TSPEAR: variants seen among roughly 807,000 people sequenced by gnomAD.
TSPEAR encodes thrombospondin type laminin G domain and EAR repeats.
TSPEAR carries 69 observed loss-of-function variants against 71.6 expected under a neutral mutation model. The ratio of observed to expected loss-of-function variants is 0.96; its 90% CI spans 0.79 to 1.18. TSPEAR has a LOEUF of 1.18. TSPEAR is among the 50% of genes most tolerant of loss of function. TSPEAR has a pLI of 0.00. For synonymous variants in TSPEAR, 402 were observed against 387.2 expected (o/e 1.04, Z -0.45); for missense variants, 971 against 894.9 (o/e 1.09, Z -1.09).
chr21:44,522,876 GC>G (rs1326049671), intron 8 of TSPEAR, among the ~76,000 whole-genome samples: 1 of 152,256 alleles, frequency 6.6e-6, no homozygotes, highest in East Asian at 1.9e-4. Flanking sequence ...ATGGGCCTGG[GC>G]CCACCACCCA....
At chr21:44,676,352 C>T in intron 1 of TSPEAR, 1 of 1,140,400 alleles carries the variant, frequency 8.8e-7, no homozygotes, top group Non-Finnish European at 1.3e-6. Context: ...TTGATGGCCT[C>T]AACTGCACTA....
chr21:44,668,358 G>A (rs1269990707), intron 1 of TSPEAR, among the ~76,000 whole-genome samples: 4 of 152,090 alleles, frequency 2.6e-5, no homozygotes, highest in Non-Finnish European at 5.9e-5. Flanking sequence ...AAATAATTGT[G>A]TAACAAAAAC....
chr21:44,634,701 G>A (rs1983443010), intron 1 of TSPEAR, among the ~76,000 whole-genome samples: 1 of 152,170 alleles, frequency 6.6e-6, no homozygotes, highest in South Asian at 2.1e-4. Flanking sequence ...AGGAGGATAT[G>A]CAAATGGATG....
Position 44,567,887 on chromosome 21 carries a change from G to A in TSPEAR, c.201C>T (p.Arg67=), listed in dbSNP as rs782732230. 4.4e-6 allele frequency: 7 copies of A among 1,608,836 alleles called. No homozygotes were observed. Among genetic ancestry groups the A allele is most frequent in the Non-Finnish European group, 5.9e-6 (7 of 1,176,672 alleles). The change falls in exon 2 of 12, where the codon CGC becomes CGT. Residue 67 remains arginine, a synonymous_variant. Transcript: ENST00000323084. ...TCCTGGATGCTGGGAAGCTCATGGT[G>A]CGGGGGGCGGCTACTGAGAGCTGGA... ...RGLQLSVAAP[R]TMSFPASRIF...
At chr21:44,617,048 G>C (rs1402310890) in intron 1 of TSPEAR, among the ~76,000 whole-genome samples, 1 of 151,982 alleles carries the variant, frequency 6.6e-6, no homozygotes, top group Non-Finnish European at 1.5e-5. Context: ...AAACCCCAAG[G>C]GCCCCAAGCA....
At chr21:44,545,723 C>T (rs1555917686) in intron 2 of TSPEAR, among the ~76,000 whole-genome samples, 1 of 151,810 alleles carries the variant, frequency 6.6e-6, no homozygotes, top group African/African-American at 2.4e-5. Context: ...AAAAAGAAAA[C>T]ACAGCAAACC....
chr21:44,569,783 GAC>G (rs1174985541), intron 1 of TSPEAR, among the ~76,000 whole-genome samples: 2 of 151,930 alleles, frequency 1.3e-5, no homozygotes, highest in African/African-American at 4.8e-5. Flanking sequence ...TGTGTACAGG[GAC>G]CACCCCCGAT....
intron 1 of TSPEAR, among the ~76,000 whole-genome samples, chr21:44,582,175 G>A (rs587732410): frequency 1.3e-5 from 2 of 152,360 alleles, no homozygotes; most frequent in East Asian, 3.9e-4. Context: ...CATGCACGGC[G>A]CAGGTGCGGT....
chr21:44,539,166 G>A (rs1177140430), intron 2 of TSPEAR: 7 of 1,405,678 alleles, frequency 5.0e-6, no homozygotes, highest in African/African-American at 2.9e-5. Flanking sequence ...CAAGGAGGGG[G>A]GGTCACCTCA....
intron 1 of TSPEAR, chr21:44,628,142 C>G: frequency 6.8e-7 from 1 of 1,477,782 alleles, no homozygotes; most frequent in Non-Finnish European, 9.2e-7. Flanking sequence ...CACAGCTCAA[C>G]ACAGAAGGAG....
At chr21:44,539,051 C>T (rs2145999821) in intron 2 of TSPEAR, 2 of 621,296 alleles carry the variant, frequency 3.2e-6, no homozygotes, top group Non-Finnish European at 5.5e-6. Flanking sequence ...GGCCAAGTGA[C>T]CCAGAGCAGA....
chr21:44,637,984 C>T (rs149080473), intron 1 of TSPEAR: 90 of 1,613,716 alleles, frequency 5.6e-5, no homozygotes, highest in South Asian at 7.7e-5. Flanking sequence ...CCTCCTCCTC[C>T]GTGTCCCTCC....
At chr21:44,551,688 C>A (rs9978494) in intron 2 of TSPEAR, among the ~76,000 whole-genome samples, 1 of 152,176 alleles carries the variant, frequency 6.6e-6, no homozygotes, top group Non-Finnish European at 1.5e-5. Context: ...TGTCCTCACT[C>A]TGCTCCTAAC....
intron 1 of TSPEAR, 44 bp from the exon 2 acceptor site, chr21:44,568,049 A>C (rs1555922009): frequency 2.1e-6 from 3 of 1,443,714 alleles, no homozygotes; most frequent in Non-Finnish European, 2.8e-6. Flanking sequence ...GGACACCCCC[A>C]AAAGTGGATA....
At chr21:44,534,755 C>T (rs868980306) in intron 2 of TSPEAR, among the ~76,000 whole-genome samples, 28 of 152,174 alleles carry the variant, frequency 1.8e-4, no homozygotes, top group African/African-American at 6.0e-4. Flanking sequence ...ATAAACAGAA[C>T]GACCAAATGA....
chr21:44,551,153 G>A lies in TSPEAR; in HGVS notation c.303+16632C>T, dbSNP rs369556022. The stretch of plus-strand genomic sequence containing the variant: ...CACAGCACACAGGCTTGCAGCAGAC[G>A]GGCACGCAGCAGGCCTGCTGGCAGG... On this transcript the variant is annotated intron_variant, in intron 2 of 11. Coordinates refer to ENST00000323084, the MANE Select transcript of TSPEAR (RefSeq NM_144991.3). The A allele has an allele frequency of 3.9e-4, 604 of 1,561,222 alleles. 1 individual carries two copies. The highest frequency in any genetic ancestry group is 4.7e-4 in the Non-Finnish European group (537 of 1,143,018).
At chr21:44,530,344 C>T (rs1555915601) in intron 4 of TSPEAR, among the ~76,000 whole-genome samples, 1 of 152,088 alleles carries the variant, frequency 6.6e-6, no homozygotes, top group Admixed American at 6.5e-5. Flanking sequence ...ATCCATTCAT[C>T]CATGCATTCA....
In TSPEAR at chr21:44,711,402, C is replaced by T. The variant is rs1441561851; in HGVS notation, c.82+31G>A. ...CCCTCCCAGCTCCCCGGCAAGATAC[C>T]CCCGCCCGAGTTCCCATGCCCCTGC... On this transcript the variant is annotated intron_variant, in intron 1 of 11. Coordinates refer to ENST00000323084, the MANE Select transcript of TSPEAR (RefSeq NM_144991.3). The surrounding 1 kb of genome is among the most constrained non-coding windows in gnomAD (Gnocchi z 4.5). The T allele has an allele frequency of 2.6e-6, 4 of 1,560,514 alleles. No homozygotes were observed. The highest frequency in any genetic ancestry group is 3.5e-6 in the Non-Finnish European group (4 of 1,150,688).
intron 11 of TSPEAR, among the ~76,000 whole-genome samples, chr21:44,503,292 G>T (rs587697733): frequency 7.8e-6 from 1 of 128,656 alleles, no homozygotes; most frequent in Non-Finnish European, 1.7e-5. Flanking sequence ...GTGAGCCCTC[G>T]GGGGGAAGCA....
Sources: gnomAD v4.1 joint callset for allele counts (sites outside exome capture counted in the v4.1 genomes callset) on GRCh38, gnomAD v4.1.1 for gene constraint, Gnocchi (gnomAD v3.1) non-coding constraint, MANE v1.5 for transcripts, NCBI Gene and HGNC (gene_info 2026-07-23, HGNC 2026-07-21) for gene names.